The following NDUFA12 variants were observed in gnomAD, a reference collection of about 807,000 sequenced individuals.
NDUFA12 encodes NADH dehydrogenase [ubiquinone] 1 alpha subcomplex subunit 12.
In NDUFA12, 17 loss-of-function variants were observed where a neutral mutation model predicts 20.3. That is an observed-to-expected ratio of 0.84 (90% CI 0.57 to 1.26). NDUFA12 has a LOEUF of 1.26. Ranked by LOEUF, NDUFA12 falls within the 50% of genes most tolerant of loss-of-function variation. NDUFA12 has a pLI of 0.00. For synonymous variants in NDUFA12, 72 were observed against 63.6 expected, an observed-to-expected ratio of 1.13 and a Z score of -0.63; for missense variants, 191 against 183.7, an observed-to-expected ratio of 1.04 and a Z score of -0.23.
intron 2 of NDUFA12, among the ~76,000 whole-genome samples, chr12:95,002,437 CAAAAAAAAAAAA>C (rs71075895): frequency 2.7e-4 from 17 of 63,624 alleles, no homozygotes; most frequent in Admixed American, 2.0e-3. Flanking sequence ...GACTCCATCT[CAAAAAAAAAAAA>C]AAAAAAAAAA....
chr12:94,975,971 G>A (rs1874052166), intron 3 of NDUFA12, among the ~76,000 whole-genome samples: 1 of 152,086 alleles, frequency 6.6e-6, no homozygotes, highest in African/African-American at 2.4e-5. Context: ...ATGAGCCCAG[G>A]AGTTCAAGGC....
At chr12:94,977,481 AAC>A (rs1252777786) in intron 3 of NDUFA12, among the ~76,000 whole-genome samples, 1 of 146,344 alleles carries the variant, frequency 6.8e-6, no homozygotes, top group African/African-American at 2.7e-5. Flanking sequence ...AAAAAAAAAA[AAC>A]ACCCCTCCGC....
chr12:95,000,242 G>T (rs749369655), intron 2 of NDUFA12, among the ~76,000 whole-genome samples: 1 of 152,070 alleles, frequency 6.6e-6, no homozygotes, highest in South Asian at 2.1e-4. Flanking sequence ...ACCAAATATC[G>T]TATGTTCTCA....
intron 3 of NDUFA12, among the ~76,000 whole-genome samples, chr12:94,986,358 G>A (rs1291541635): frequency 6.6e-6 from 1 of 152,070 alleles, no homozygotes; most frequent in African/African-American, 2.4e-5. Flanking sequence ...CAGTTAGGAG[G>A]ACTAAGCTTT....
chr12:95,000,805 T>A (rs985255993), intron 2 of NDUFA12, among the ~76,000 whole-genome samples: 15 of 152,236 alleles, frequency 9.9e-5, no homozygotes, highest in Admixed American at 3.9e-4. Context: ...GGAATTTTTT[T>A]ATATTACACA....
chr12:94,988,894 G>A (rs1429769432), intron 3 of NDUFA12, among the ~76,000 whole-genome samples: 2 of 152,142 alleles, frequency 1.3e-5, no homozygotes, highest in Non-Finnish European at 2.9e-5. Context: ...GGTTCGAGCC[G>A]ATACAAGAAC....
intron 2 of NDUFA12, among the ~76,000 whole-genome samples, chr12:94,996,578 G>C (rs1215601553): frequency 2.6e-5 from 4 of 152,044 alleles, no homozygotes; most frequent in Admixed American, 2.0e-4. Context: ...CCAGCACTTT[G>C]GGAGGCTGAG....
chr12:94,974,502 T>A (rs529364884), intron 3 of NDUFA12, among the ~76,000 whole-genome samples: 3 of 152,198 alleles, frequency 2.0e-5, no homozygotes, highest in African/African-American at 7.2e-5. Flanking sequence ...GGGTATAACC[T>A]AAATGAAAGG....
rs140180474 is a variant in NDUFA12 at position 94,978,429 on chromosome 12, T to C, written c.258-6809A>G. The stretch of plus-strand genomic sequence containing the variant: ...GCTAACAGACTGGACATTAGAGAAT[T>C]AGACTGGGGGATGACACTGAAGTTT... On this transcript the variant is annotated intron_variant, in intron 3 of 3. Transcript: ENST00000327772. Among the ~76,000 whole-genome samples, 10 of 152,260 alleles carry C rather than the reference T, an allele frequency of 6.6e-5. No individual in the cohort carries two copies. In the East Asian group the frequency reaches 1.9e-3, roughly 29 times the overall value.
chr12:94,977,414 G>A (rs1294355896), intron 3 of NDUFA12, among the ~76,000 whole-genome samples: 5 of 151,904 alleles, frequency 3.3e-5, no homozygotes, highest in Non-Finnish European at 7.4e-5. Context: ...TGAGGTTGCA[G>A]TGAGTTATGA....
chr12:95,003,498 G>C (rs1242623350), intron 1 of NDUFA12, 97 bp downstream of exon 1: 1 of 1,295,874 alleles, frequency 7.7e-7, no homozygotes. Flanking sequence ...CAAGAGCTGT[G>C]GATTCTCCAA....
intron 3 of NDUFA12, among the ~76,000 whole-genome samples, chr12:94,992,343 C>T (rs915497626): frequency 6.6e-6 from 1 of 152,194 alleles, no homozygotes; most frequent in Non-Finnish European, 1.5e-5. Context: ...GACAATGAGA[C>T]TAACCCCCAG....
intron 3 of NDUFA12, among the ~76,000 whole-genome samples, chr12:94,978,483 G>A (rs1459701519): frequency 1.3e-5 from 2 of 152,200 alleles, no homozygotes; most frequent in South Asian, 2.1e-4. Flanking sequence ...AGTCATTTAA[G>A]TGCTTAGGAA....
chr12:94,984,169 T>A (rs918163292), intron 3 of NDUFA12, among the ~76,000 whole-genome samples: 1 of 152,120 alleles, frequency 6.6e-6, no homozygotes, highest in Non-Finnish European at 1.5e-5. Flanking sequence ...GAGTGTAAAC[T>A]GTAGTGCTGG....
chr12:94,997,747 C>CA (rs1421563953), intron 2 of NDUFA12, among the ~76,000 whole-genome samples: 12 of 151,926 alleles, frequency 7.9e-5, no homozygotes, highest in African/African-American at 2.7e-4. Flanking sequence ...TTCCAAAATC[C>CA]AAAAAAACCT....
intron 2 of NDUFA12, chr12:94,994,482 G>A (rs546604448): frequency 2.5e-4 from 128 of 514,638 alleles, no homozygotes; most frequent in African/African-American, 2.3e-3. Flanking sequence ...ATGATTCACT[G>A]CTGTGGGTGG....
At chr12:94,986,641 AAC>A (rs201404476) in intron 3 of NDUFA12, among the ~76,000 whole-genome samples, 1 of 59,306 alleles carries the variant, frequency 1.7e-5, no homozygotes, top group Non-Finnish European at 3.4e-5. Flanking sequence ...CCTAAAAAAA[AAC>A]CAGCAGGTTG....
chr12:94,994,312 T>C (rs1164976812), intron 2 of NDUFA12, 55 bp from the exon 3 acceptor site: 25 of 1,304,580 alleles, frequency 1.9e-5, no homozygotes, highest in Non-Finnish European at 2.3e-5. Context: ...AAAGCATAGA[T>C]GCATAATATC....
At chr12:94,997,002 T>G (rs1234283681) in intron 2 of NDUFA12, 1 of 363,758 alleles carries the variant, frequency 2.7e-6, no homozygotes, top group Non-Finnish European at 5.3e-6. Context: ...TTTTAGACAA[T>G]CTCTTAAAAT....
Sources: gnomAD v4.1 joint callset for allele counts (sites outside exome capture counted in the v4.1 genomes callset) on GRCh38, gnomAD v4.1.1 for gene constraint, MANE v1.5 for transcripts, NCBI Gene and HGNC (gene_info 2026-07-23, HGNC 2026-07-21) for gene names.